FZD6: variants seen among roughly 807,000 people sequenced by gnomAD.
FZD6 encodes frizzled-6.
Under a neutral mutation model 61.4 loss-of-function variants are expected in FZD6, and 49 were observed. The observed-to-expected ratio is 0.80, with a 90% CI of 0.63 to 1.01. FZD6 has a LOEUF of 1.01. FZD6 is among the 50% of genes least tolerant of loss of function. The pLI is 0.00. For missense variants in FZD6, 724 were observed against 848.2 expected (o/e 0.85, Z 1.82); for synonymous variants, 265 against 292.2 (o/e 0.91, Z 0.95).
rs542989320 is a variant in FZD6 at position 103,326,272 on chromosome 8, T to C, written c.1392+774T>C. On this transcript the variant is annotated intron_variant, in intron 4 of 6. Transcript: ENST00000358755. ...ATATAATAGCTTATATTTCAGAAAG[T>C]TACTGCTTTATAACATTGTGGAATC... Among the ~76,000 whole-genome samples, 10 of 152,274 alleles carry C rather than the reference T, an allele frequency of 6.6e-5. No individual in the cohort carries two copies. The South Asian group carries it at 1.7e-3, about 25-fold the overall frequency.
rs191400696 is a variant in FZD6, at chr8:103,325,128, T to C, written c.1022T>C (p.Met341Thr). ...AWGTPGFLTV[M>T]LLAMNKVEGD... Reference sequence around the variant, plus strand: ...GGAACACCAGGTTTCCTGACTGTTATGCTTCTTGCTATGAACAAAGTTGAA... The same window carrying C: ...GGAACACCAGGTTTCCTGACTGTTACGCTTCTTGCTATGAACAAAGTTGAA... Residue 341 changes from methionine (M) to threonine (T), a missense_variant, in exon 4 of 7, where the codon ATG becomes ACG. By Grantham distance (81) the Met-to-Thr change is moderately conservative. Transcript: ENST00000358755. 8 of 1,614,172 alleles carry C rather than the reference T, an allele frequency of 5.0e-6. No individual in the cohort carries two copies. In the East Asian group the frequency reaches 8.9e-5, roughly 18 times the overall value.
chr8:103,312,232 T>C (rs760753167), intron 2 of FZD6, among the ~76,000 whole-genome samples: 4 of 152,198 alleles, frequency 2.6e-5, no homozygotes, highest in Non-Finnish European at 4.4e-5. Flanking sequence ...TATTTCTTGA[T>C]TTTTGAAACT....
chr8:103,331,645 T>C lies in FZD6; in HGVS notation c.*136T>C, dbSNP rs1475174470. 2.8e-6 allele frequency: 2 copies of C among 703,314 alleles called. No homozygotes were observed. Among genetic ancestry groups the C allele is most frequent in the African/African-American group, 1.8e-5 (1 of 57,014 alleles). The allele number at this position is 703,314 out of a possible 1,614,324, so 43.6% of individuals were successfully genotyped here. ...TTGCCTACTGTTATACTGGAAAAAA[T>C]AGAGTTCAAGAATAATATGACTCAT... On this transcript the variant is annotated 3_prime_UTR_variant, in exon 7 of 7. Coordinates refer to ENST00000358755, the MANE Select transcript of FZD6 (RefSeq NM_003506.4).
At chr8:103,327,921 T>TG (rs1170777971) in intron 4 of FZD6, among the ~76,000 whole-genome samples, 1 of 152,110 alleles carries the variant, frequency 6.6e-6, no homozygotes, top group Non-Finnish European at 1.5e-5. Flanking sequence ...TAGATTATAG[T>TG]GGGGGAAAAT....
chr8:103,328,209 A>ATT, intron 4 of FZD6, 59 bp from the exon 5 acceptor site: 1 of 1,266,106 alleles, frequency 7.9e-7, no homozygotes, highest in Non-Finnish European at 1.2e-6. Context: ...TTGACAATAT[A>ATT]GACTTCTTTC....
chr8:103,331,192 G>A (rs1251042698), intron 6 of FZD6, 149 bp from the exon 7 acceptor site: 2 of 689,934 alleles, frequency 2.9e-6, no homozygotes, highest in African/African-American at 1.8e-5. Context: ...AAAAAAATTT[G>A]TATTTTGAAG....
chr8:103,320,966 A>G (rs1470853975), intron 3 of FZD6, among the ~76,000 whole-genome samples: 6 of 152,216 alleles, frequency 3.9e-5, no homozygotes, highest in Non-Finnish European at 7.3e-5. Flanking sequence ...TCCTGCCATC[A>G]TGGACCTTAC....
At chr8:103,326,721 A>G (rs1043677307) in intron 4 of FZD6, among the ~76,000 whole-genome samples, 4 of 151,304 alleles carry the variant, frequency 2.6e-5, no homozygotes, top group Non-Finnish European at 1.5e-5. Flanking sequence ...ACAATCCATA[A>G]TCAATGTCAA....
At chr8:103,329,575 A>C in intron 5 of FZD6, 80 bp from the exon 6 acceptor site, 1 of 1,046,644 alleles carries the variant, frequency 9.6e-7, no homozygotes, top group Non-Finnish European at 1.4e-6. Flanking sequence ...TTGGCAAAAG[A>C]TATGTGATAT....
At position 103,332,818 on chromosome 8, in the gene FZD6, CTT is replaced by C. The variant is rs981081323; in HGVS notation, c.*1311_*1312del. The C allele has an allele frequency of 5.2e-5, 8 of 152,482 alleles. No individual in the cohort carries two copies. Among genetic ancestry groups the C allele is most frequent in the Non-Finnish European group, 1.2e-4 (8 of 68,018 alleles). 9.4% of individuals were successfully genotyped at this position (152,482 alleles called of 1,614,324 possible). On this transcript the variant is annotated 3_prime_UTR_variant, in exon 7 of 7. Coordinates refer to ENST00000358755, the MANE Select transcript of FZD6 (RefSeq NM_003506.4). ...AAACAGACAACTTTGAATACAAAAA[CTT>C]TGTTTTGTGTGATCTTTTCATTAAT...
At chr8:103,315,502 G>C (rs1373532038) in intron 2 of FZD6, among the ~76,000 whole-genome samples, 1 of 152,054 alleles carries the variant, frequency 6.6e-6, no homozygotes, top group Non-Finnish European at 1.5e-5. Context: ...AAAGAAGCCA[G>C]ACAAAAAAGA....
intron 3 of FZD6, among the ~76,000 whole-genome samples, chr8:103,320,048 A>G (rs897392135): frequency 9.2e-5 from 14 of 152,352 alleles, no homozygotes; most frequent in South Asian, 8.3e-4. Context: ...CATTTTGGCC[A>G]TGGATGGGAG....
chr8:103,328,983 A>T (rs1218931295), intron 5 of FZD6, among the ~76,000 whole-genome samples: 125 of 125,968 alleles, frequency 9.9e-4, no homozygotes, highest in African/African-American at 3.1e-3. Context: ...AACAAAATTG[A>T]TTTATATTTA....
Position 103,331,442 on chromosome 8 carries a change from C to T in FZD6, c.2054C>T (p.Ser685Phe). 1 of 1,610,416 alleles carries T rather than the reference C, an allele frequency of 6.2e-7. No individual in the cohort carries two copies. The highest frequency in any genetic ancestry group is 8.5e-7 in the Non-Finnish European group (1 of 1,176,614). Residue 685 changes from serine (S) to phenylalanine (F), a missense_variant, in exon 7 of 7, where the codon TCT (serine) becomes TTT (phenylalanine). Physicochemically the swap from Ser to Phe is radical, Grantham distance 155 (BLOSUM62 -2). Coordinates refer to ENST00000358755, the MANE Select transcript of FZD6 (RefSeq NM_003506.4). ...CCAAGCAGCCTCAAAGGTTCCACAT[C>T]TCTGCTTGTTCACCCGGTTTCAGGA... is the stretch of plus-strand genomic sequence containing the variant. ...SEPSSLKGST[S>F]LLVHPVSGVR...
chr8:103,317,251 A>G (rs1448963685), intron 2 of FZD6, among the ~76,000 whole-genome samples: 1 of 152,250 alleles, frequency 6.6e-6, no homozygotes. Flanking sequence ...TTTAGTGGCA[A>G]TGGAGTAAAT....
At chr8:103,307,068 A>G (rs1814356452) in intron 2 of FZD6, among the ~76,000 whole-genome samples, 1 of 152,210 alleles carries the variant, frequency 6.6e-6, no homozygotes, top group African/African-American at 2.4e-5. Context: ...TTCATGCTTC[A>G]GAAAAGTGAC....
At position 103,325,015 on chromosome 8, in the gene FZD6, T is replaced by TA; in HGVS notation, c.910dup (p.Thr304AsnfsTer15). On this transcript the variant is annotated frameshift_variant, in exon 4 of 7. Coordinates refer to ENST00000358755, the MANE Select transcript of FZD6 (RefSeq NM_003506.4). LOFTEE classifies it high-confidence loss of function. ...CTGGCACTGTGTGGTGGGTGATTCT[T>TA]ACCATTACTTGGTTCTTAGCTGCAG... The TA allele has an allele frequency of 6.2e-7, 1 of 1,614,100 alleles. No homozygotes were observed. Among genetic ancestry groups the TA allele is most frequent in the South Asian group, 1.1e-5 (1 of 91,080 alleles).
At chr8:103,304,682 A>C (rs1265112819) in intron 2 of FZD6, among the ~76,000 whole-genome samples, 1 of 152,242 alleles carries the variant, frequency 6.6e-6, no homozygotes, top group Non-Finnish European at 1.5e-5. Context: ...TTACAAAAAC[A>C]GGCAGTGGGC....
intron 4 of FZD6, among the ~76,000 whole-genome samples, chr8:103,327,921 TG>T (rs1170777971): frequency 6.6e-6 from 1 of 152,110 alleles, no homozygotes; most frequent in Non-Finnish European, 1.5e-5. Context: ...TAGATTATAG[TG>T]GGGGAAAATA....
Sources: allele counts gnomAD v4.1 joint callset (sites outside exome capture counted in the v4.1 genomes callset), GRCh38; gene constraint gnomAD v4.1.1; transcripts MANE v1.5; gene names NCBI Gene and HGNC (gene_info 2026-07-23, HGNC 2026-07-21).